The following SCD5 variants were observed in gnomAD, a reference collection of about 807,000 sequenced individuals.
SCD5 encodes the protein stearoyl-CoA desaturase 5, also known as acyl-CoA-desaturase 4.
Under a neutral mutation model 30.4 loss-of-function variants are expected in SCD5, and 20 were observed. The observed-to-expected ratio is 0.66, with a 90% CI of 0.46 to 0.96. The LOEUF (loss-of-function observed/expected upper bound fraction) is 0.96, where lower values mean the gene tolerates loss of function less well. Ranked by LOEUF, SCD5 falls within the 40% of genes least tolerant of loss-of-function variation. The pLI is 0.00. For synonymous variants in SCD5, 173 were observed against 176.4 expected, an observed-to-expected ratio of 0.98 and a Z score of 0.16; for missense variants, 381 against 443.3, an observed-to-expected ratio of 0.86 and a Z score of 1.26.
At chr4:82,650,440 A>AT (rs1228675749) in intron 3 of SCD5, among the ~76,000 whole-genome samples, 5 of 152,194 alleles carry the variant, frequency 3.3e-5, no homozygotes, top group African/African-American at 1.2e-4. Flanking sequence ...CATGCCTGTA[A>AT]TCCCAGCACT....
chr4:82,708,242 T>C (rs1045211097), intron 1 of SCD5, among the ~76,000 whole-genome samples: 3 of 152,242 alleles, frequency 2.0e-5, no homozygotes, highest in Non-Finnish European at 4.4e-5. Flanking sequence ...GTATGAGTTA[T>C]AGCTCAAAAA....
At position 82,636,859 on chromosome 4, in the gene SCD5, G is replaced by A. The variant is rs746936191; in HGVS notation, c.570-36C>T. ...AGACACCATATCACCATGAGGACCC[G>A]CTGATGGGAGAGAGGATGGGCTGAG... is the stretch of plus-strand genomic sequence containing the variant. On this transcript the variant is annotated intron_variant, in intron 3 of 4. Transcript: ENST00000319540. 8.2e-5 allele frequency: 125 copies of A among 1,518,382 alleles called. No homozygotes were observed. In the East Asian group the frequency reaches 2.5e-3, roughly 30 times the overall value. 94.1% of individuals were successfully genotyped at this position (1,518,382 alleles called of 1,614,324 possible). A position where few individuals can be genotyped will look rare whatever the true frequency, so the allele number is the denominator to read the frequency against.
intron 3 of SCD5, among the ~76,000 whole-genome samples, chr4:82,668,531 CAT>C (rs1179378915): frequency 5.9e-5 from 9 of 152,310 alleles, no homozygotes; most frequent in East Asian, 1.9e-4. Context: ...GTACTCAAAA[CAT>C]AGTTGTCAAA....
chr4:82,645,203 A>T (rs1727613172), intron 3 of SCD5, among the ~76,000 whole-genome samples: 1 of 152,170 alleles, frequency 6.6e-6, no homozygotes, highest in African/African-American at 2.4e-5. Flanking sequence ...AGTCCCAGGT[A>T]CTAGAGAGGC....
At chr4:82,675,015 G>C (rs950700029) in intron 3 of SCD5, among the ~76,000 whole-genome samples, 1 of 152,082 alleles carries the variant, frequency 6.6e-6, no homozygotes, top group Non-Finnish European at 1.5e-5. Flanking sequence ...TTTAGGCAGT[G>C]AAAATACTCT....
intron 2 of SCD5, among the ~76,000 whole-genome samples, chr4:82,684,691 C>T (rs931901121): frequency 4.6e-5 from 7 of 152,042 alleles, no homozygotes; most frequent in Admixed American, 2.6e-4. Flanking sequence ...CCTTGGGAGG[C>T]GGGGAGTGAA....
chr4:82,728,585 C>T (rs1004002417), intron 1 of SCD5, among the ~76,000 whole-genome samples: 3 of 152,126 alleles, frequency 2.0e-5, no homozygotes, highest in Non-Finnish European at 4.4e-5. Flanking sequence ...CATTCAGACT[C>T]GCTACTCATG....
intron 1 of SCD5, among the ~76,000 whole-genome samples, chr4:82,785,051 C>T (rs1052139224): frequency 3.9e-5 from 6 of 152,214 alleles, no homozygotes; most frequent in African/African-American, 7.2e-5. Flanking sequence ...TCTTCCAGTT[C>T]TCATGGGAGC....
intron 3 of SCD5, chr4:82,661,110 C>T (rs1438211256): frequency 1.2e-6 from 2 of 1,600,424 alleles, no homozygotes; most frequent in East Asian, 2.2e-5. Context: ...ACTGAGAGTT[C>T]CACCCAGGTT....
At chr4:82,644,140 T>G (rs1727595799) in intron 3 of SCD5, among the ~76,000 whole-genome samples, 1 of 152,210 alleles carries the variant, frequency 6.6e-6, no homozygotes, top group African/African-American at 2.4e-5. Flanking sequence ...TAGCTGACAG[T>G]GCTGCCTCTG....
At chr4:82,695,571 A>C (rs1719680688) in intron 2 of SCD5, among the ~76,000 whole-genome samples, 1 of 152,214 alleles carries the variant, frequency 6.6e-6, no homozygotes, top group Non-Finnish European at 1.5e-5. Flanking sequence ...TTTCGGTGAG[A>C]AGGTAGAGTC....
chr4:82,691,410 G>A (rs1245674974), intron 2 of SCD5, among the ~76,000 whole-genome samples: 2 of 152,196 alleles, frequency 1.3e-5, no homozygotes, highest in East Asian at 1.9e-4. Context: ...ATTGTCTCAG[G>A]TAGAGGGAAG....
intron 1 of SCD5, among the ~76,000 whole-genome samples, chr4:82,710,438 C>T (rs1416003225): frequency 2.0e-5 from 3 of 152,140 alleles, no homozygotes; most frequent in Admixed American, 6.5e-5. Flanking sequence ...ACCCGCCCCA[C>T]CTCCCCACCA....
chr4:82,784,734 T>TAG (rs1307520805), intron 1 of SCD5, among the ~76,000 whole-genome samples: 1 of 152,126 alleles, frequency 6.6e-6, no homozygotes, highest in African/African-American at 2.4e-5. Context: ...GTGAAAGGGA[T>TAG]AGAAGCTGAA....
At chr4:82,706,215 C>G (rs1719965499) in intron 1 of SCD5, among the ~76,000 whole-genome samples, 1 of 151,882 alleles carries the variant, frequency 6.6e-6, no homozygotes, top group African/African-American at 2.4e-5. Context: ...TTTCAACTAG[C>G]AAGTAGTCAG....
chr4:82,664,831 G>A (rs1185004457), intron 3 of SCD5, among the ~76,000 whole-genome samples: 3 of 151,606 alleles, frequency 2.0e-5, no homozygotes, highest in Non-Finnish European at 4.4e-5. Flanking sequence ...AATGTAATTA[G>A]AGTCCCAGAA....
intron 1 of SCD5, among the ~76,000 whole-genome samples, chr4:82,727,202 C>T (rs1720520640): frequency 6.6e-6 from 1 of 152,242 alleles, no homozygotes; most frequent in South Asian, 2.1e-4. Flanking sequence ...TAAGGGGATT[C>T]GGGTGTAACA....
At chr4:82,638,172 A>C (rs528236812) in intron 3 of SCD5, among the ~76,000 whole-genome samples, 160 of 152,226 alleles carry the variant, frequency 1.1e-3, no homozygotes, top group Non-Finnish European at 2.0e-3. Flanking sequence ...AAAGGACATG[A>C]TCTTGTTCCC....
intron 3 of SCD5, among the ~76,000 whole-genome samples, chr4:82,672,533 T>C (rs980046951): frequency 2.0e-5 from 3 of 152,174 alleles, no homozygotes; most frequent in Admixed American, 1.3e-4. Context: ...TTATTAAGTG[T>C]ATTGAATCAA....
Sources: allele counts gnomAD v4.1 joint callset (sites outside exome capture counted in the v4.1 genomes callset), GRCh38; gene constraint gnomAD v4.1.1; transcripts MANE v1.5; gene names NCBI Gene and HGNC (gene_info 2026-07-23, HGNC 2026-07-21).